Variants in LEKR1 observed in about 807,000 individuals in gnomAD.
LEKR1 encodes the protein leucine, glutamate and lysine rich 1, also known as protein LEKR1.
In LEKR1, 59 loss-of-function variants were observed where a neutral mutation model predicts 72.4. The ratio of observed to expected loss-of-function variants is 0.82; its 90% CI spans 0.66 to 1.01. The LOEUF (loss-of-function observed/expected upper bound fraction) is 1.01. Ranked by LOEUF, LEKR1 falls within the 50% of genes least tolerant of loss-of-function variation. The pLI, the probability that LEKR1 is intolerant of heterozygous loss-of-function variation, is 0.00. For missense variants in LEKR1, 728 were observed against 759.2 expected, an observed-to-expected ratio of 0.96 and a Z score of 0.48; for synonymous variants, 257 against 263.2, an observed-to-expected ratio of 0.98 and a Z score of 0.23.
chr3:156,840,152 A>C (rs949523824), intron 2 of LEKR1, among the ~76,000 whole-genome samples: 2 of 152,160 alleles, frequency 1.3e-5, no homozygotes, highest in African/African-American at 4.8e-5. Flanking sequence ...AATATGCATT[A>C]ATTGAATGTT....
At chr3:156,983,857 A>C (rs1055678208) in intron 7 of LEKR1, among the ~76,000 whole-genome samples, 1 of 152,184 alleles carries the variant, frequency 6.6e-6, no homozygotes, top group Non-Finnish European at 1.5e-5. Flanking sequence ...GCAGACAAGC[A>C]AACAGAGGAT....
intron 3 of LEKR1, among the ~76,000 whole-genome samples, chr3:156,882,716 G>A (rs1292047561): frequency 7.2e-5 from 11 of 152,196 alleles, no homozygotes; most frequent in Middle Eastern, 3.4e-3. Context: ...TTTTTATTGC[G>A]GCATTATTCA....
intron 1 of LEKR1, among the ~76,000 whole-genome samples, chr3:156,828,254 C>G (rs959474006): frequency 1.3e-5 from 2 of 152,176 alleles, no homozygotes; most frequent in Non-Finnish European, 1.5e-5. Context: ...AAAGATAATG[C>G]CACTATAGGA....
intron 12 of LEKR1, among the ~76,000 whole-genome samples, chr3:157,043,492 CT>C (rs1469983703): frequency 6.6e-6 from 1 of 151,380 alleles, no homozygotes; most frequent in African/African-American, 2.4e-5. Flanking sequence ...AAAATGGTCC[CT>C]GCATGTTTGA....
chr3:157,024,736 A>T, intron 10 of LEKR1, 24 bp from the exon 11 acceptor site: 2 of 1,574,286 alleles, frequency 1.3e-6, no homozygotes, highest in Non-Finnish European at 1.7e-6. Context: ...ATAGTTTTAC[A>T]TGTGCTTTAA....
At chr3:157,034,964 A>C (rs1734859788) in intron 12 of LEKR1, among the ~76,000 whole-genome samples, 1 of 152,080 alleles carries the variant, frequency 6.6e-6, no homozygotes, top group Non-Finnish European at 1.5e-5. Context: ...TGCCATCCCA[A>C]CCTTCAGCAA....
At chr3:156,882,665 G>A (rs1266711144) in intron 3 of LEKR1, among the ~76,000 whole-genome samples, 1 of 152,122 alleles carries the variant, frequency 6.6e-6, no homozygotes, top group Non-Finnish European at 1.5e-5. Flanking sequence ...TATACCCAAA[G>A]GACTATAAAT....
intron 10 of LEKR1, among the ~76,000 whole-genome samples, chr3:157,014,441 G>A (rs1048469180): frequency 6.6e-6 from 1 of 151,870 alleles, no homozygotes; most frequent in Non-Finnish European, 1.5e-5. Flanking sequence ...CAATTTTGAA[G>A]GGAGGCAAAA....
chr3:156,934,985 T>C (rs984370945), intron 5 of LEKR1, among the ~76,000 whole-genome samples: 11 of 152,210 alleles, frequency 7.2e-5, no homozygotes, highest in Non-Finnish European at 1.5e-4. Flanking sequence ...AACATCTTTA[T>C]ACATGCATCT....
intron 12 of LEKR1, among the ~76,000 whole-genome samples, chr3:157,032,085 G>A (rs879555982): frequency 6.6e-6 from 1 of 151,904 alleles, no homozygotes; most frequent in Non-Finnish European, 1.5e-5. Flanking sequence ...GAGAGTGAGA[G>A]AGAGAGAGAG....
chr3:156,992,008 C>G (rs974598456), intron 7 of LEKR1, among the ~76,000 whole-genome samples: 1 of 152,228 alleles, frequency 6.6e-6, no homozygotes, highest in African/African-American at 2.4e-5. Context: ...AAATGGCAAT[C>G]TCTGTCCAGG....
chr3:156,936,412 A>G (rs2108578825), intron 5 of LEKR1, among the ~76,000 whole-genome samples: 1 of 141,258 alleles, frequency 7.1e-6, no homozygotes, highest in Middle Eastern at 3.5e-3. Context: ...CAGTGTCCTC[A>G]TCTGTACAAT....
At chr3:156,868,788 C>A (rs1353623005) in intron 3 of LEKR1, among the ~76,000 whole-genome samples, 7 of 152,046 alleles carry the variant, frequency 4.6e-5, no homozygotes, top group Non-Finnish European at 1.0e-4. Flanking sequence ...GAAACTTATA[C>A]CTTCTATCTA....
intron 12 of LEKR1, among the ~76,000 whole-genome samples, chr3:157,036,547 T>C (rs1205458275): frequency 6.6e-6 from 1 of 152,140 alleles, no homozygotes; most frequent in Non-Finnish European, 1.5e-5. Flanking sequence ...GATACTACCC[T>C]GGCAGCCTTT....
chr3:156,882,684 T>C (rs1408641989), intron 3 of LEKR1, among the ~76,000 whole-genome samples: 1 of 152,190 alleles, frequency 6.6e-6, no homozygotes, highest in Non-Finnish European at 1.5e-5. Context: ...ATCATGCTGT[T>C]ATAAAGACAC....
chr3:157,026,535 G>A (rs930859334), intron 11 of LEKR1, among the ~76,000 whole-genome samples: 1 of 152,202 alleles, frequency 6.6e-6, no homozygotes, highest in African/African-American at 2.4e-5. Flanking sequence ...AGACCTGACA[G>A]TGGCCTTCTT....
At chr3:156,917,007 C>T (rs575124798) in intron 3 of LEKR1, among the ~76,000 whole-genome samples, 1 of 152,078 alleles carries the variant, frequency 6.6e-6, no homozygotes, top group African/African-American at 2.4e-5. Context: ...GAAACAGAAG[C>T]AATGCAGCAA....
chr3:156,895,708 C>G (rs1243539091), intron 3 of LEKR1, among the ~76,000 whole-genome samples: 2 of 151,912 alleles, frequency 1.3e-5, no homozygotes, highest in Non-Finnish European at 2.9e-5. Context: ...AGTCAAAAAA[C>G]AACAGATGCT....
chr3:157,019,431 C>T (rs183635326), intron 10 of LEKR1, among the ~76,000 whole-genome samples: 9 of 152,160 alleles, frequency 5.9e-5, no homozygotes, highest in East Asian at 3.9e-4. Context: ...TGGAGTCATC[C>T]GGTGGCCTTC....
Sources: gnomAD v4.1 joint callset for allele counts (sites outside exome capture counted in the v4.1 genomes callset) on GRCh38, gnomAD v4.1.1 for gene constraint, MANE v1.5 for transcripts, NCBI Gene and HGNC (gene_info 2026-07-23, HGNC 2026-07-21) for gene names.